AP3M2: variants seen among roughly 807,000 people sequenced by gnomAD.
The protein encoded by AP3M2 is AP-3 complex subunit mu-2.
In AP3M2, 28 loss-of-function variants were observed where a neutral mutation model predicts 41.6. That is an observed-to-expected ratio of 0.67 (90% CI 0.50 to 0.92). The LOEUF (loss-of-function observed/expected upper bound fraction) is 0.92. Ranked by LOEUF, AP3M2 falls within the 40% of genes least tolerant of loss-of-function variation. The pLI is 0.00. For missense variants in AP3M2, 427 were observed against 521.4 expected (o/e 0.82, Z 1.76); for synonymous variants, 193 against 186.4 (o/e 1.04, Z -0.29).
intron 4 of AP3M2, among the ~76,000 whole-genome samples, chr8:42,162,841 G>A (rs1484062821): frequency 1.3e-5 from 2 of 150,764 alleles, no homozygotes; most frequent in Non-Finnish European, 2.9e-5. Flanking sequence ...AACTTTGTGA[G>A]GGGCTGAGGT....
rs766470705 is a variant in AP3M2, at chr8:42,158,057, TAAAG to T, written c.393_396del (p.Lys131AsnfsTer3). The T allele has an allele frequency of 6.2e-7, 1 of 1,614,102 alleles. No individual in the cohort carries two copies. The highest frequency in any genetic ancestry group is 1.7e-5 in the Admixed American group (1 of 60,014). On this transcript the variant is annotated frameshift_variant, in exon 3 of 9. Coordinates refer to ENST00000396926, the MANE Select transcript of AP3M2 (RefSeq NM_006803.4). LOFTEE classifies it high-confidence loss of function. ...CATTGGCTACCGAGTCGAACATTCT[TAAAG>T]AACTCATAAAGCCTCCTACCATCCT...
intron 6 of AP3M2, chr8:42,165,897 C>T (rs1804626877): frequency 9.7e-6 from 2 of 207,154 alleles, no homozygotes; most frequent in Admixed American, 1.1e-4. Flanking sequence ...TCTGGGCATA[C>T]TGTGTTCAAT....
At chr8:42,161,494 A>C (rs1010754394) in intron 3 of AP3M2, among the ~76,000 whole-genome samples, 2 of 152,172 alleles carry the variant, frequency 1.3e-5, no homozygotes, top group Admixed American at 6.5e-5. Flanking sequence ...CTGTAGTCCC[A>C]GCTACTCGGG....
intron 4 of AP3M2, 47 bp downstream of exon 4, chr8:42,162,465 C>T (rs1434742822): frequency 6.4e-7 from 1 of 1,557,824 alleles, no homozygotes; most frequent in Non-Finnish European, 8.7e-7. Flanking sequence ...TAGAAAGGGA[C>T]CTCTTTCATA....
chr8:42,156,923 T>C (rs142930048), intron 2 of AP3M2, among the ~76,000 whole-genome samples: 1 of 152,324 alleles, frequency 6.6e-6, no homozygotes, highest in East Asian at 1.9e-4. Flanking sequence ...GTACACTTGC[T>C]CTGCAAAACA....
Position 42,168,266 on chromosome 8 carries a change from C to T in AP3M2, c.1156+456C>T, listed in dbSNP as rs72641447. On this transcript the variant is annotated intron_variant, in intron 8 of 8. Coordinates refer to ENST00000396926, the MANE Select transcript of AP3M2 (RefSeq NM_006803.4). The stretch of plus-strand genomic sequence containing the variant: ...CCTTTCCAGGTCAGTTCACTATAGT[C>T]TGTGCCGACCTTAGCACGGTAGTCA... The T allele has an allele frequency of 4.6e-3, 2,115 of 456,576 alleles. 8 individuals carry two copies. Among genetic ancestry groups the T allele is most frequent in the Middle Eastern group, 9.8e-3 (30 of 3,076 alleles). 28.3% of individuals were successfully genotyped at this position (456,576 alleles called of 1,614,324 possible). A position where few individuals can be genotyped will look rare whatever the true frequency, so the allele number is the denominator to read the frequency against.
intron 4 of AP3M2, among the ~76,000 whole-genome samples, chr8:42,164,753 A>G (rs1004607553): frequency 6.6e-6 from 1 of 152,216 alleles, no homozygotes; most frequent in African/African-American, 2.4e-5. Flanking sequence ...TAAAATAATG[A>G]TGCTCTGTTT....
intron 4 of AP3M2, 111 bp from the exon 5 acceptor site, chr8:42,164,956 GGAGA>G: frequency 2.5e-6 from 2 of 806,464 alleles, no homozygotes; most frequent in East Asian, 2.8e-5. Context: ...GGAAGGGGAG[GGAGA>G]GAGAGGAAGG....
intron 2 of AP3M2, among the ~76,000 whole-genome samples, chr8:42,156,782 T>C (rs1243850424): frequency 6.6e-6 from 1 of 151,942 alleles, no homozygotes. Context: ...GTCAAAGAAA[T>C]GGAAAGATGG....
intron 2 of AP3M2, 90 bp downstream of exon 2, chr8:42,155,050 T>C: frequency 4.2e-6 from 4 of 958,712 alleles, no homozygotes; most frequent in Non-Finnish European, 6.0e-6. Flanking sequence ...TTAAGAAACT[T>C]AAAAAAAAAA....
intron 8 of AP3M2, chr8:42,168,249 G>A (rs778516501): frequency 1.2e-4 from 57 of 457,012 alleles, no homozygotes; most frequent in Non-Finnish European, 2.1e-4. Context: ...GGCCTTTCCA[G>A]GTCAGTTCAC....
intron 6 of AP3M2, 52 bp from the exon 7 acceptor site, chr8:42,167,111 AC>A (rs1351799302): frequency 1.3e-6 from 2 of 1,521,334 alleles, no homozygotes; most frequent in Non-Finnish European, 1.8e-6. Flanking sequence ...GAAAGGAAGA[AC>A]TACCATTTTC....
chr8:42,168,224 A>G, intron 8 of AP3M2: 1 of 457,824 alleles, frequency 2.2e-6, no homozygotes. Context: ...TCTTATTTCT[A>G]TTTTGGAACC....
chr8:42,167,630 G>C (rs752634351), intron 7 of AP3M2, 36 bp from the exon 8 acceptor site: 164 of 1,589,726 alleles, frequency 1.0e-4, no homozygotes, highest in Non-Finnish European at 1.5e-5. Flanking sequence ...ACTATTTTTT[G>C]GAAAGACCAC....
intron 8 of AP3M2, among the ~76,000 whole-genome samples, chr8:42,168,573 C>A (rs1804702746): frequency 6.6e-6 from 1 of 152,180 alleles, no homozygotes; most frequent in South Asian, 2.1e-4. Flanking sequence ...AGGAAGCATT[C>A]ATTTATTAAT....
chr8:42,165,470 G>A lies in AP3M2; in HGVS notation c.713G>A (p.Arg238His), dbSNP rs750901629. 1 of 1,614,134 alleles carries A rather than the reference G, an allele frequency of 6.2e-7. No individual in the cohort carries two copies. The highest frequency in any genetic ancestry group is 2.2e-5 in the East Asian group (1 of 44,894). Residue 238 changes from arginine to histidine, a missense_variant, in exon 6 of 9, where the codon CGT becomes CAT. Arg to His is a conservative substitution (Grantham distance 29, BLOSUM62 0). Coordinates refer to ENST00000396926, the MANE Select transcript of AP3M2 (RefSeq NM_006803.4). ...LDDVSFHPCV[R>H]FKRWESERIL... ...GATGTCAGCTTCCATCCTTGTGTTCGTTTCAAACGCTGGGAATCTGAGCGC... is the reference window on the plus strand; with the variant it reads ...GATGTCAGCTTCCATCCTTGTGTTCATTTCAAACGCTGGGAATCTGAGCGC...
In AP3M2 at chr8:42,154,625, C is replaced by T. The variant is rs1804303847; in HGVS notation, c.-63C>T. On this transcript the variant is annotated 5_prime_UTR_variant, in exon 2 of 9. Transcript: ENST00000396926. ...CTGCTTTTGTTTTTAGAGTTGAAAA[C>T]TTACAGAGTCCTGAGGCTTTCAGAC... The T allele has an allele frequency of 6.4e-7, 1 of 1,568,176 alleles. No homozygotes were observed. The highest frequency in any genetic ancestry group is 8.6e-7 in the Non-Finnish European group (1 of 1,163,152).
chr8:42,158,717 A>G (rs1480655556), intron 3 of AP3M2, among the ~76,000 whole-genome samples: 1 of 152,228 alleles, frequency 6.6e-6, no homozygotes. Flanking sequence ...AAGAATGCAA[A>G]AATTGCTTTT....
At chr8:42,154,324 G>A (rs1443464505) in intron 1 of AP3M2, 1 of 197,616 alleles carries the variant, frequency 5.1e-6, no homozygotes, top group Non-Finnish European at 1.0e-5. Context: ...ATGAGGCACG[G>A]CCCTTTTCTT....
Sources: gnomAD v4.1 joint callset for allele counts (sites outside exome capture counted in the v4.1 genomes callset) on GRCh38, gnomAD v4.1.1 for gene constraint, MANE v1.5 for transcripts, NCBI Gene and HGNC (gene_info 2026-07-23, HGNC 2026-07-21) for gene names.